Variants in NEURL1 observed in about 807,000 individuals in gnomAD.
The protein encoded by NEURL1 is E3 ubiquitin-protein ligase NEURL1.
In NEURL1, 26 loss-of-function variants were observed where a neutral mutation model predicts 41.2. The ratio of observed to expected loss-of-function variants is 0.63; its 90% CI spans 0.46 to 0.87. The LOEUF (loss-of-function observed/expected upper bound fraction) is 0.87. Among genes scored for constraint, NEURL1 ranks in the 40% least tolerant of loss-of-function variants. NEURL1 has a pLI of 0.00. For missense variants in NEURL1, 761 were observed against 871.1 expected, an observed-to-expected ratio of 0.87 and a Z score of 1.59; for synonymous variants, 400 against 402.3, an observed-to-expected ratio of 0.99 and a Z score of 0.07.
At position 103,584,726 on chromosome 10, in the gene NEURL1, G is replaced by A. The variant is rs1255836505; in HGVS notation, c.840G>A (p.Ser280=). ...CCATCCCGCAGAACTCACTCAACTC[G>A]CAGCACAGCCGCGCGCTGCCGGCGC... ...GCPIPQNSLN[S]QHSRALPAQL... The change falls in exon 4 of 6, where the codon TCG becomes TCA. Residue 280 remains serine, a synonymous_variant. Coordinates refer to ENST00000369780, the MANE Select transcript of NEURL1 (RefSeq NM_004210.5). The A allele has an allele frequency of 2.0e-6, 3 of 1,466,242 alleles. No individual in the cohort carries two copies. Among genetic ancestry groups the A allele is most frequent in the East Asian group, 3.0e-5 (1 of 33,692 alleles). The allele number at this position is 1,466,242 out of a possible 1,614,324, so 90.8% of individuals were successfully genotyped here. A position where few individuals can be genotyped will look rare whatever the true frequency, so the allele number is the denominator to read the frequency against.
chr10:103,523,708 T>C (rs940881456), intron 1 of NEURL1, among the ~76,000 whole-genome samples: 1 of 152,224 alleles, frequency 6.6e-6, no homozygotes, highest in Non-Finnish European at 1.5e-5. Flanking sequence ...TTTATCTTTC[T>C]GTACCTGGCT....
chr10:103,540,296 T>A (rs968942730), intron 1 of NEURL1, among the ~76,000 whole-genome samples: 3 of 152,080 alleles, frequency 2.0e-5, no homozygotes, highest in African/African-American at 7.2e-5. Context: ...AGACTTTTTT[T>A]TTAAATTTTT....
intron 1 of NEURL1, among the ~76,000 whole-genome samples, chr10:103,536,542 G>C (rs1564813970): frequency 1.3e-5 from 2 of 151,026 alleles, no homozygotes; most frequent in East Asian, 1.9e-4. Context: ...GAAACTGCAT[G>C]TCTCTCTCTC....
At chr10:103,554,367 C>T (rs937388524) in intron 1 of NEURL1, among the ~76,000 whole-genome samples, 5 of 152,162 alleles carry the variant, frequency 3.3e-5, no homozygotes, top group African/African-American at 7.2e-5. Flanking sequence ...TGGCTGAGTG[C>T]GCTCAGTGGT....
At position 103,558,817 on chromosome 10, in the gene NEURL1, T is replaced by C. The variant is rs575757402; in HGVS notation, c.86-12055T>C. On this transcript the variant is annotated intron_variant, in intron 1 of 5. Coordinates refer to ENST00000369780, the MANE Select transcript of NEURL1 (RefSeq NM_004210.5). This position sits in a 1 kb window ranked among gnomAD's most constrained non-coding sequence, Gnocchi z 4.2. ...TTCTTCCTTTCCCCCCACTTCCTCCTTCACCTCCCTTCAATGCTCCCTCAG... is the reference window on the plus strand; with the variant it reads ...TTCTTCCTTTCCCCCCACTTCCTCCCTCACCTCCCTTCAATGCTCCCTCAG... 6.6e-6 allele frequency among the ~76,000 whole-genome samples: 1 copy of C among 152,000 alleles called. No individual in the cohort carries two copies. Among genetic ancestry groups the C allele is most frequent in the African/African-American group, 2.4e-5 (1 of 41,522 alleles).
In NEURL1 at chr10:103,555,291, G is replaced by C. The variant is rs1167591149; in HGVS notation, c.86-15581G>C. 5.8e-6 allele frequency: 7 copies of C among 1,202,574 alleles called. No homozygotes were observed. The East Asian group carries it at 5.5e-4, about 95-fold the overall frequency. 74.5% of individuals were successfully genotyped at this position (1,202,574 alleles called of 1,614,324 possible). A position where few individuals can be genotyped will look rare whatever the true frequency, so the allele number is the denominator to read the frequency against. On this transcript the variant is annotated intron_variant, in intron 1 of 5. Coordinates refer to ENST00000369780, the MANE Select transcript of NEURL1 (RefSeq NM_004210.5). ...GGTCTCCGCCCGCGGGGGAGGAGAC[G>C]GGGGAGGAGGAGGGGAGCAGCCGGC...
intron 1 of NEURL1, among the ~76,000 whole-genome samples, chr10:103,562,414 G>T (rs1392751845): frequency 3.9e-5 from 6 of 152,124 alleles, no homozygotes; most frequent in South Asian, 2.1e-4. Flanking sequence ...AAAGAAAGTG[G>T]TCTCTGCCCT....
chr10:103,503,290 G>A (rs2033867498), intron 1 of NEURL1, among the ~76,000 whole-genome samples: 1 of 152,238 alleles, frequency 6.6e-6, no homozygotes, highest in Non-Finnish European at 1.5e-5. Flanking sequence ...TCATCCCCCG[G>A]ATGGCTTTGG....
intron 1 of NEURL1, among the ~76,000 whole-genome samples, chr10:103,526,348 A>G (rs1360348930): frequency 6.6e-6 from 1 of 152,208 alleles, no homozygotes; most frequent in Non-Finnish European, 1.5e-5. Context: ...AGAATTCAGC[A>G]GCGAGGCCAT....
chr10:103,551,584 G>A (rs2035032989), intron 1 of NEURL1, among the ~76,000 whole-genome samples: 1 of 152,298 alleles, frequency 6.6e-6, no homozygotes, highest in Admixed American at 6.5e-5. Context: ...GATTACAGGT[G>A]TAAGCCACTG....
intron 1 of NEURL1, among the ~76,000 whole-genome samples, chr10:103,501,361 C>T (rs3736916): frequency 0.5 from 75,699 of 151,754 alleles, 20,143 homozygotes; most frequent in East Asian, 0.68. Flanking sequence ...AGCCTTCTGT[C>T]CTAGGCCACG....
At chr10:103,524,628 G>A (rs2034423812) in intron 1 of NEURL1, among the ~76,000 whole-genome samples, 1 of 152,150 alleles carries the variant, frequency 6.6e-6, no homozygotes, top group Non-Finnish European at 1.5e-5. Context: ...TATATATGGT[G>A]AGAGATACGG....
intron 1 of NEURL1, among the ~76,000 whole-genome samples, chr10:103,528,399 G>C (rs1476188075): frequency 6.6e-6 from 1 of 151,906 alleles, no homozygotes; most frequent in Non-Finnish European, 1.5e-5. Context: ...GCCAGGTGTG[G>C]TGGTGTGTGC....
intron 1 of NEURL1, among the ~76,000 whole-genome samples, chr10:103,533,786 T>C (rs916181530): frequency 4.5e-4 from 69 of 152,324 alleles, no homozygotes; most frequent in Middle Eastern, 6.8e-3. Context: ...TCCGCCCGCC[T>C]TGGCCTCCCA....
chr10:103,519,346 G>A lies in NEURL1; in HGVS notation c.85+24874G>A, dbSNP rs896849644. On this transcript the variant is annotated intron_variant, in intron 1 of 5. Coordinates refer to ENST00000369780, the MANE Select transcript of NEURL1 (RefSeq NM_004210.5). ...AAAAGAGAGTATGGTCAGCAGAGTCGTCTTGCTGCTTTGACCAGTGGTATC... is the reference window on the plus strand; with the variant it reads ...AAAAGAGAGTATGGTCAGCAGAGTCATCTTGCTGCTTTGACCAGTGGTATC... Among the ~76,000 whole-genome samples, 7 of 152,222 alleles carry A rather than the reference G, an allele frequency of 4.6e-5. No individual in the cohort carries two copies. The South Asian group carries it at 6.2e-4, about 13-fold the overall frequency.
At chr10:103,533,918 G>A (rs570628095) in intron 1 of NEURL1, among the ~76,000 whole-genome samples, 6 of 152,070 alleles carry the variant, frequency 3.9e-5, no homozygotes, top group East Asian at 1.9e-4. Context: ...TGATCCACCC[G>A]CCTTGGCCTC....
chr10:103,580,863 C>T (rs1373483189), intron 3 of NEURL1, among the ~76,000 whole-genome samples: 1 of 152,206 alleles, frequency 6.6e-6, no homozygotes, highest in Non-Finnish European at 1.5e-5. Context: ...CTTTGTACAT[C>T]CTCCACTGTT....
At chr10:103,519,035 A>G (rs1371975223) in intron 1 of NEURL1, among the ~76,000 whole-genome samples, 1 of 152,214 alleles carries the variant, frequency 6.6e-6, no homozygotes, top group Non-Finnish European at 1.5e-5. Flanking sequence ...GCTTGAGGTT[A>G]GAAGTTCAAA....
chr10:103,584,752 A>T lies in NEURL1; in HGVS notation c.866A>T (p.Gln289Leu). The change falls in exon 4 of 6, where the codon CAG (glutamine) becomes CTG (leucine). Residue 289 changes from glutamine (Q) to leucine (L), a missense_variant. This residue lies in a region of NEURL1 where 443 missense variants were observed against 408.1 expected (regional missense o/e 1.09). Coordinates refer to ENST00000369780, the MANE Select transcript of NEURL1 (RefSeq NM_004210.5). ...NSQHSRALPA[Q>L]LDGDLRFHAL... ...CAGCACAGCCGCGCGCTGCCGGCGCAGCTCGACGGCGACCTGCGTTTCCAC... is the reference window on the plus strand; with the variant it reads ...CAGCACAGCCGCGCGCTGCCGGCGCTGCTCGACGGCGACCTGCGTTTCCAC... 1 of 1,451,112 alleles carries T rather than the reference A, an allele frequency of 6.9e-7. No homozygotes were observed. The highest frequency in any genetic ancestry group is 1.5e-5 in the African/African-American group (1 of 67,424). The allele number at this position is 1,451,112 out of a possible 1,614,324, so 89.9% of individuals were successfully genotyped here. A position where few individuals can be genotyped will look rare whatever the true frequency, so the allele number is the denominator to read the frequency against.
Sources: allele counts gnomAD v4.1 joint callset (sites outside exome capture counted in the v4.1 genomes callset), GRCh38; gene constraint gnomAD v4.1.1; regional missense constraint gnomAD v4.1.1; non-coding constraint Gnocchi (gnomAD v3.1); transcripts MANE v1.5; gene names NCBI Gene and HGNC (gene_info 2026-07-23, HGNC 2026-07-21).